RIC3: variants seen among roughly 807,000 people sequenced by gnomAD.
RIC3 encodes RIC3 acetylcholine receptor chaperone, also known as protein RIC-3.
A neutral mutation model predicts 27.3 loss-of-function variants in RIC3; 28 were observed. That is an observed-to-expected ratio of 1.02 (90% CI 0.76 to 1.41). The LOEUF (loss-of-function observed/expected upper bound fraction) is 1.41. RIC3 is among the 40% of genes most tolerant of loss of function. RIC3 has a pLI of 0.00. For synonymous variants in RIC3, 184 were observed against 160.4 expected, an observed-to-expected ratio of 1.15 and a Z score of -1.11; for missense variants, 501 against 444.7, an observed-to-expected ratio of 1.13 and a Z score of -1.14.
At chr11:8,128,318 C>T (rs1010359861) in intron 4 of RIC3, 6 of 456,070 alleles carry the variant, frequency 1.3e-5, no homozygotes, top group African/African-American at 1.0e-4. Flanking sequence ...AGTCTTAATT[C>T]TGTTTCCTAA....
chr11:8,097,459 T>G, the RIC3 span: 5 of 1,613,320 alleles, frequency 3.1e-6, no homozygotes, highest in African/African-American at 6.7e-5. Context: ...TCATCTAGGC[T>G]TTACAGCCCT....
intron 1 of RIC3, among the ~76,000 whole-genome samples, chr11:8,153,857 ATT>A (rs2134159276): frequency 6.6e-6 from 1 of 152,146 alleles, no homozygotes; most frequent in South Asian, 2.1e-4. Flanking sequence ...TTGTAGATTC[ATT>A]CTCTCCAAAC....
chr11:8,133,544 G>A (rs1045738856), intron 4 of RIC3, among the ~76,000 whole-genome samples: 1 of 152,212 alleles, frequency 6.6e-6, no homozygotes, highest in African/African-American at 2.4e-5. Context: ...GTTCCTAAGA[G>A]GTAGGGTGGA....
chr11:8,105,530 T>G (rs1357388606), downstream of RIC3: 6 of 152,336 alleles, frequency 3.9e-5, no homozygotes, highest in African/African-American at 1.2e-4. Flanking sequence ...AAAGGCAAGT[T>G]GGTCTTATAG....
At chr11:8,121,101 A>G (rs1440872080) in intron 5 of RIC3, among the ~76,000 whole-genome samples, 1 of 152,216 alleles carries the variant, frequency 6.6e-6, no homozygotes, top group Admixed American at 6.5e-5. Flanking sequence ...AACATAAAAT[A>G]AGTATTGATA....
chr11:8,124,985 G>A (rs993688205), intron 5 of RIC3, among the ~76,000 whole-genome samples: 6 of 152,070 alleles, frequency 3.9e-5, no homozygotes, highest in Admixed American at 6.5e-5. Flanking sequence ...TGGGCACGGC[G>A]GCTCACACCT....
At chr11:8,153,090 A>C (rs1015286712) in intron 1 of RIC3, among the ~76,000 whole-genome samples, 1 of 152,254 alleles carries the variant, frequency 6.6e-6, no homozygotes, top group African/African-American at 2.4e-5. Flanking sequence ...GATAACATCA[A>C]AGAGATGTTG....
chr11:8,141,893 C>T (rs1051785539), intron 1 of RIC3, among the ~76,000 whole-genome samples: 2 of 151,954 alleles, frequency 1.3e-5, no homozygotes, highest in Non-Finnish European at 2.9e-5. Context: ...CGCTCAACTA[C>T]ATGGAAACTG....
intron 1 of RIC3, among the ~76,000 whole-genome samples, chr11:8,163,050 CAT>C (rs1166977358): frequency 0.082 from 10,569 of 128,286 alleles, 443 homozygotes; most frequent in South Asian, 0.12. Context: ...CACACACACA[CAT>C]ACACACACAC....
At chr11:8,118,385 G>A (rs1426332471) in intron 5 of RIC3, among the ~76,000 whole-genome samples, 2 of 151,554 alleles carry the variant, frequency 1.3e-5, no homozygotes, top group African/African-American at 4.8e-5. Flanking sequence ...GGAGATAAAG[G>A]CGTTAACATC....
At chr11:8,163,073 C>G (rs1590414776) in intron 1 of RIC3, among the ~76,000 whole-genome samples, 3 of 132,654 alleles carry the variant, frequency 2.3e-5, no homozygotes, top group African/African-American at 6.0e-5. Context: ...ACACACCCCC[C>G]AAAACACTTT....
intron 4 of RIC3, among the ~76,000 whole-genome samples, chr11:8,130,010 T>A (rs1403532160): frequency 2.0e-5 from 3 of 152,250 alleles, no homozygotes; most frequent in African/African-American, 7.2e-5. Context: ...TTGTATTTTA[T>A]CTTAGTTAAT....
the RIC3 span, chr11:8,097,433 T>TGGTCTG: frequency 6.2e-7 from 1 of 1,614,186 alleles, no homozygotes; most frequent in Non-Finnish European, 8.5e-7. Flanking sequence ...AAGGTAAGGT[T>TGGTCTG]GGTCTGGGCA....
At chr11:8,097,115 G>A in the RIC3 span, 1 of 1,239,172 alleles carries the variant, frequency 8.1e-7, no homozygotes, top group Non-Finnish European at 1.1e-6. Flanking sequence ...CCCAATCCCA[G>A]GATCCTTCCC....
chr11:8,140,603 C>T (rs901503583), intron 1 of RIC3, among the ~76,000 whole-genome samples: 13 of 152,198 alleles, frequency 8.5e-5, no homozygotes, highest in African/African-American at 2.7e-4. Flanking sequence ...TTGGAAGCCA[C>T]GGGTAGAAAC....
At chr11:8,116,830 A>T (rs1945905203) in intron 5 of RIC3, among the ~76,000 whole-genome samples, 1 of 152,250 alleles carries the variant, frequency 6.6e-6, no homozygotes, top group Admixed American at 6.5e-5. Context: ...TAGTACAGTC[A>T]CTATGGAAAA....
intron 1 of RIC3, among the ~76,000 whole-genome samples, chr11:8,163,845 A>C (rs1951421826): frequency 6.7e-6 from 1 of 149,358 alleles, no homozygotes. Flanking sequence ...AACCAAAGTG[A>C]TGATCCAAAA....
At chr11:8,131,336 T>C (rs537150325) in intron 4 of RIC3, among the ~76,000 whole-genome samples, 1 of 152,342 alleles carries the variant, frequency 6.6e-6, no homozygotes, top group African/African-American at 2.4e-5. Context: ...CAATCAAGGA[T>C]AACATCTAAT....
intron 4 of RIC3, chr11:8,128,275 A>T (rs1488339066): frequency 2.2e-6 from 1 of 457,282 alleles, no homozygotes; most frequent in Non-Finnish European, 4.4e-6. Context: ...TCCAGACTGT[A>T]CGCAGGGCAT....
Sources: gnomAD v4.1 joint callset for allele counts (sites outside exome capture counted in the v4.1 genomes callset) on GRCh38, gnomAD v4.1.1 for gene constraint, MANE v1.5 for transcripts, NCBI Gene and HGNC (gene_info 2026-07-23, HGNC 2026-07-21) for gene names.